EDN1: variants seen among roughly 807,000 people sequenced by gnomAD.
EDN1 encodes endothelin 1.
EDN1 carries 11 observed loss-of-function variants against 21.7 expected under a neutral mutation model. That is an observed-to-expected ratio of 0.51 (90% CI 0.32 to 0.84). The LOEUF (loss-of-function observed/expected upper bound fraction) is 0.84. EDN1 is among the 40% of genes least tolerant of loss of function. The probability of loss-of-function intolerance (pLI) is 0.03; values close to 1 mark genes in which losing one functional copy is unlikely to be tolerated. For synonymous variants in EDN1, 85 were observed against 90.6 expected, an observed-to-expected ratio of 0.94 and a Z score of 0.35; for missense variants, 244 against 262.3, an observed-to-expected ratio of 0.93 and a Z score of 0.48.
the EDN1 span, among the ~76,000 whole-genome samples, chr6:12,252,649 A>C: frequency 2.0e-5 from 3 of 152,212 alleles, no homozygotes; most frequent in Admixed American, 6.5e-5. Context: ...GACTTCTCTT[A>C]AGCCACACCA....
the EDN1 span, among the ~76,000 whole-genome samples, chr6:12,246,327 C>G: frequency 6.6e-6 from 1 of 152,202 alleles, no homozygotes; most frequent in South Asian, 2.1e-4. Context: ...ACATGCAGCT[C>G]AGATGCAATC....
chr6:12,279,501 G>C, the EDN1 span, among the ~76,000 whole-genome samples: 15 of 152,236 alleles, frequency 9.9e-5, no homozygotes, highest in African/African-American at 3.4e-4. Flanking sequence ...GCTGGAGCTA[G>C]CTCTGAAACA....
chr6:12,264,449 T>C, the EDN1 span, among the ~76,000 whole-genome samples: 2 of 152,224 alleles, frequency 1.3e-5, no homozygotes, highest in Non-Finnish European at 2.9e-5. Context: ...GAGAATATTA[T>C]TTGAATTTTT....
chr6:12,240,592 A>G, the EDN1 span, among the ~76,000 whole-genome samples: 1 of 152,176 alleles, frequency 6.6e-6, no homozygotes, highest in African/African-American at 2.4e-5. Context: ...AGAGCATGGA[A>G]TAGTACCTGA....
chr6:12,271,859 G>A, the EDN1 span, among the ~76,000 whole-genome samples: 1 of 152,156 alleles, frequency 6.6e-6, no homozygotes, highest in Admixed American at 6.5e-5. Context: ...ACATGACATT[G>A]TAATGACACT....
chr6:12,248,770 G>A, the EDN1 span, among the ~76,000 whole-genome samples: 1 of 152,174 alleles, frequency 6.6e-6, no homozygotes, highest in Non-Finnish European at 1.5e-5. Context: ...AACAAAACAA[G>A]GTTTCTAAAG....
chr6:12,264,358 G>A, the EDN1 span, among the ~76,000 whole-genome samples: 1 of 152,176 alleles, frequency 6.6e-6, no homozygotes, highest in African/African-American at 2.4e-5. Context: ...ACTAAAGTAG[G>A]TATGGAAAAG....
At chr6:12,275,839 A>G in the EDN1 span, among the ~76,000 whole-genome samples, 2 of 151,232 alleles carry the variant, frequency 1.3e-5, no homozygotes, top group East Asian at 3.9e-4. Flanking sequence ...GGATGCATGC[A>G]TGCCCATTTG....
chr6:12,281,933 A>G, the EDN1 span, among the ~76,000 whole-genome samples: 1 of 152,236 alleles, frequency 6.6e-6, no homozygotes, highest in African/African-American at 2.4e-5. Context: ...GTAAAGAAAT[A>G]AAGTGAGTAT....
chr6:12,293,411 C>A (rs911357381), intron 2 of EDN1, among the ~76,000 whole-genome samples: 2 of 152,196 alleles, frequency 1.3e-5, no homozygotes, highest in Non-Finnish European at 2.9e-5. Flanking sequence ...CACCGACTGG[C>A]AGGAGAAATG....
At chr6:12,237,673 G>A in the EDN1 span, among the ~76,000 whole-genome samples, 1 of 152,038 alleles carries the variant, frequency 6.6e-6, no homozygotes, top group East Asian at 1.9e-4. Context: ...GGCTGCCTGT[G>A]CTTTATAATG....
chr6:12,259,371 ATAAT>A, the EDN1 span, among the ~76,000 whole-genome samples: 47 of 150,978 alleles, frequency 3.1e-4, no homozygotes, highest in African/African-American at 1.1e-3. Context: ...TAAGATTTAA[ATAAT>A]TAATAATATT....
the EDN1 span, among the ~76,000 whole-genome samples, chr6:12,279,283 C>T: frequency 6.6e-6 from 1 of 152,176 alleles, no homozygotes; most frequent in Non-Finnish European, 1.5e-5. Context: ...ATACAGGTAG[C>T]AGAGGCAGAG....
upstream of EDN1, among the ~76,000 whole-genome samples, chr6:12,289,520 C>T (rs931800389): frequency 2.6e-5 from 4 of 152,198 alleles, no homozygotes; most frequent in Non-Finnish European, 5.9e-5. Flanking sequence ...TCATCTCCCC[C>T]TGGTGTTCTT....
At chr6:12,247,137 C>T in the EDN1 span, among the ~76,000 whole-genome samples, 2 of 152,162 alleles carry the variant, frequency 1.3e-5, no homozygotes, top group Admixed American at 1.3e-4. Flanking sequence ...CTTGTCATGT[C>T]GGCTGTGTAA....
the EDN1 span, among the ~76,000 whole-genome samples, chr6:12,264,752 G>A: frequency 5.3e-5 from 8 of 152,306 alleles, no homozygotes; most frequent in East Asian, 1.9e-4. Context: ...GACAGAAGGC[G>A]TGGCATGAAG....
intron 2 of EDN1, 81 bp from the exon 3 acceptor site, chr6:12,293,860 C>A: frequency 6.6e-7 from 1 of 1,510,190 alleles, no homozygotes; most frequent in Non-Finnish European, 9.1e-7. Context: ...CTTGTGTGCC[C>A]AGTGGAATAG....
rs746926884 is a variant in EDN1, at chr6:12,293,897, T to C, written c.234-44T>C. On this transcript the variant is annotated intron_variant, in intron 2 of 4. Transcript: ENST00000379375. ...TGTGTCCATGTGTCATTTTAAAGAC[T>C]ATTAATTACACTAATATAGTTTCTT... 21 of 1,608,702 alleles carry C rather than the reference T, an allele frequency of 1.3e-5. 1 individual carries two copies. In the Admixed American group the frequency reaches 2.5e-4, roughly 19 times the overall value.
the EDN1 span, among the ~76,000 whole-genome samples, chr6:12,265,377 A>T: frequency 6.6e-6 from 1 of 152,206 alleles, no homozygotes; most frequent in African/African-American, 2.4e-5. Context: ...TACATTTGAG[A>T]TAGGGTGTTT....
Sources: gnomAD v4.1 joint callset for allele counts (sites outside exome capture counted in the v4.1 genomes callset) on GRCh38, gnomAD v4.1.1 for gene constraint, MANE v1.5 for transcripts, NCBI Gene and HGNC (gene_info 2026-07-23, HGNC 2026-07-21) for gene names.